Variants in NTRK3 observed in about 807,000 individuals in gnomAD.
NTRK3 encodes the protein neurotrophic receptor tyrosine kinase 3, also known as NT-3 growth factor receptor.
Under a neutral mutation model 91.7 loss-of-function variants are expected in NTRK3, and 24 were observed. The observed-to-expected ratio is 0.26, with a 90% CI of 0.19 to 0.37. The LOEUF is 0.37. NTRK3 is among the 10% of genes least tolerant of loss of function. The probability of loss-of-function intolerance (pLI) is 1.00; values close to 1 mark genes in which losing one functional copy is unlikely to be tolerated. For synonymous variants in NTRK3, 483 were observed against 404.0 expected (o/e 1.20, Z -2.34); for missense variants, 880 against 1,068.9 (o/e 0.82, Z 2.46).
At chr15:88,055,335 A>G (rs973706903) in intron 13 of NTRK3, among the ~76,000 whole-genome samples, 1 of 152,216 alleles carries the variant, frequency 6.6e-6, no homozygotes, top group Non-Finnish European at 1.5e-5. Context: ...AAACAGTGCC[A>G]CTGGTGAATC....
At position 88,172,132 on chromosome 15, in the gene NTRK3, G is replaced by A. The variant is rs563657842; in HGVS notation, c.395+11286C>T. 5.4e-4 allele frequency among the ~76,000 whole-genome samples: 82 copies of A among 152,328 alleles called. No homozygotes were observed. The Middle Eastern group carries it at 0.01, about 19-fold the overall frequency. ...TCACCTAGAATACCACCCAGAAAGG[G>A]CAGAGGCCTCTTGGACCCAAGGCAA... On this transcript the variant is annotated intron_variant, in intron 5 of 18. Coordinates refer to ENST00000394480, the Ensembl canonical transcript of NTRK3.
chr15:88,056,716 C>T (rs945125959), intron 13 of NTRK3, among the ~76,000 whole-genome samples: 3 of 152,190 alleles, frequency 2.0e-5, no homozygotes, highest in Admixed American at 6.5e-5. Flanking sequence ...ATAGCCTGTC[C>T]GGAAAACCCT....
At chr15:88,253,331 C>T (rs751012466) in intron 3 of NTRK3, 6 of 152,270 alleles carry the variant, frequency 3.9e-5, no homozygotes, top group Admixed American at 6.5e-5. Context: ...TCTCTCTGCC[C>T]GCACATCCCT....
At chr15:88,195,649 A>C (rs1391510407) in intron 3 of NTRK3, among the ~76,000 whole-genome samples, 1 of 152,240 alleles carries the variant, frequency 6.6e-6, no homozygotes, top group East Asian at 1.9e-4. Context: ...TTGATTATAA[A>C]ACCTCTGATC....
chr15:88,106,847 C>T (rs954601299), intron 13 of NTRK3, among the ~76,000 whole-genome samples: 2 of 151,698 alleles, frequency 1.3e-5, no homozygotes, highest in African/African-American at 4.8e-5. Flanking sequence ...GCAGGAGAAT[C>T]GCTTGAACCT....
In NTRK3 at chr15:88,234,776, T is replaced by C. The variant is rs1276902211; in HGVS notation, c.248+21130A>G. On this transcript the variant is annotated intron_variant, in intron 3 of 18. Coordinates refer to ENST00000394480, the Ensembl canonical transcript of NTRK3. The surrounding 1 kb of genome is among the most constrained non-coding windows in gnomAD (Gnocchi z 6.1). Reference sequence around the variant, plus strand: ...AACCCTCTGGGACTTCCTATTTTGCTAGGACTAAAATCTAACCCCTTCCCA... The same window carrying C: ...AACCCTCTGGGACTTCCTATTTTGCCAGGACTAAAATCTAACCCCTTCCCA... 6.6e-6 allele frequency among the ~76,000 whole-genome samples: 1 copy of C among 152,218 alleles called. No individual in the cohort carries two copies. The highest frequency in any genetic ancestry group is 1.5e-5 in the Non-Finnish European group (1 of 68,040).
At chr15:87,866,211 C>T (rs2064671388) in exon 19 of NTRK3, 2 of 219,884 alleles carry the variant, frequency 9.1e-6, no homozygotes, top group Admixed American at 1.2e-4. Context: ...TGTGCAAGTT[C>T]TCTGCCTCCT....
rs190847655 is a variant in NTRK3 at position 88,047,606 on chromosome 15, A to G, written c.1397-14561T>C. 1.7e-3 allele frequency among the ~76,000 whole-genome samples: 259 copies of G among 152,310 alleles called. 1 individual carries two copies. Among genetic ancestry groups the G allele is most frequent in the Non-Finnish European group, 3.1e-3 (208 of 68,014 alleles). On this transcript the variant is annotated intron_variant, in intron 13 of 18. Transcript: ENST00000394480. ...CTCACCTTCACGGTACCTCCTCATC[A>G]AAAGTCTGTTTCTTCATGCATCCAT...
intron 14 of NTRK3, among the ~76,000 whole-genome samples, chr15:88,022,899 G>A (rs2077705279): frequency 6.6e-6 from 1 of 152,242 alleles, no homozygotes; most frequent in South Asian, 2.1e-4. Flanking sequence ...GTGAGGCACA[G>A]AGCAGATGAG....
chr15:88,233,840 C>T lies in NTRK3; in HGVS notation c.248+22066G>A, dbSNP rs77350519. On this transcript the variant is annotated intron_variant, in intron 3 of 18. Coordinates refer to ENST00000394480, the Ensembl canonical transcript of NTRK3. The surrounding 1 kb of genome is among the most constrained non-coding windows in gnomAD (Gnocchi z 4.2). The stretch of plus-strand genomic sequence containing the variant: ...AGAATCTCTACTCCCTCTGGCCTCC[C>T]TAGAACAAAGCCAGAAACATGGCTC... Among the ~76,000 whole-genome samples the T allele has an allele frequency of 3.7e-4, 57 of 152,214 alleles. No homozygotes were observed. The highest frequency in any genetic ancestry group is 1.3e-3 in the African/African-American group (52 of 41,526).
At chr15:88,037,278 G>A (rs1038079937) in intron 13 of NTRK3, among the ~76,000 whole-genome samples, 1 of 152,134 alleles carries the variant, frequency 6.6e-6, no homozygotes, top group Non-Finnish European at 1.5e-5. Flanking sequence ...TTCAAAGGAG[G>A]AGGCCAGGCG....
At chr15:88,002,188 T>G (rs2076156109) in intron 14 of NTRK3, among the ~76,000 whole-genome samples, 1 of 148,196 alleles carries the variant, frequency 6.7e-6, no homozygotes, top group South Asian at 2.1e-4. Flanking sequence ...TTTTTTTTTT[T>G]TTTTTTTCCA....
intron 3 of NTRK3, among the ~76,000 whole-genome samples, chr15:88,232,180 A>C (rs1598086082): frequency 6.6e-6 from 1 of 151,172 alleles, no homozygotes; most frequent in African/African-American, 2.4e-5. Context: ...GTCCTGCCTC[A>C]CCTCCCTCTC....
At position 88,068,566 on chromosome 15, in the gene NTRK3, A is replaced by C. The variant is rs1299316324; in HGVS notation, c.1397-35521T>G. The stretch of plus-strand genomic sequence containing the variant: ...ATATTAACTGAGACTTTAAAAGCCA[A>C]GATATAGGGCTCAGAAAGGATAGAC... On this transcript the variant is annotated intron_variant, in intron 13 of 18. Coordinates refer to ENST00000394480, the Ensembl canonical transcript of NTRK3. Among the ~76,000 whole-genome samples the C allele has an allele frequency of 2.6e-5, 4 of 152,374 alleles. No homozygotes were observed. The East Asian group carries it at 7.7e-4, about 29-fold the overall frequency.
intron 17 of NTRK3, among the ~76,000 whole-genome samples, chr15:87,889,330 C>T (rs1436142286): frequency 4.0e-5 from 6 of 150,914 alleles, no homozygotes; most frequent in African/African-American, 1.5e-4. Flanking sequence ...CAAATTATAG[C>T]TTGTCATTTG....
exon 19 of NTRK3, chr15:87,873,877 G>A: frequency 4.3e-6 from 1 of 230,952 alleles, no homozygotes. Context: ...TTGGAACTCA[G>A]CCTTGCCCAG....
In NTRK3 at chr15:87,945,632, G is replaced by GATACACTGACATCGCTGGACACAGAGGT. The variant is rs544233093; in HGVS notation, c.1586-4907_1586-4880dup. 6.1e-3 allele frequency among the ~76,000 whole-genome samples: 930 copies of GATACACTGACATCGCTGGACACAGAGGT among 152,162 alleles called. 16 individuals carry two copies. The highest frequency in any genetic ancestry group is 0.034 in the East Asian group (176 of 5,146). The stretch of plus-strand genomic sequence containing the variant: ...AGGGGAGGTATACACAGAGCCGCTG[G>GATACACTGACATCGCTGGACACAGAGGT]ATACACTGACATCGCTGGACACAGA... On this transcript the variant is annotated intron_variant, in intron 14 of 18. Coordinates refer to ENST00000394480, the Ensembl canonical transcript of NTRK3.
At chr15:88,068,782 G>A (rs2046865970) in intron 13 of NTRK3, among the ~76,000 whole-genome samples, 1 of 152,160 alleles carries the variant, frequency 6.6e-6, no homozygotes, top group East Asian at 1.9e-4. Context: ...AGAAGGGCAA[G>A]GAGGGAGCAG....
chr15:87,982,091 G>C (rs976384898), intron 14 of NTRK3, among the ~76,000 whole-genome samples: 1 of 152,190 alleles, frequency 6.6e-6, no homozygotes, highest in Non-Finnish European at 1.5e-5. Context: ...GGCCAAGCCC[G>C]CCTAAGTCTC....
Sources: allele counts gnomAD v4.1 joint callset (sites outside exome capture counted in the v4.1 genomes callset), GRCh38; gene constraint gnomAD v4.1.1; non-coding constraint Gnocchi (gnomAD v3.1); transcripts MANE v1.5; gene names NCBI Gene and HGNC (gene_info 2026-07-23, HGNC 2026-07-21).